The following TSPEAR variants were observed in gnomAD, a reference collection of about 807,000 sequenced individuals.
TSPEAR encodes the protein thrombospondin-type laminin G domain and EAR repeat-containing protein.
A neutral mutation model predicts 71.6 loss-of-function variants in TSPEAR; 69 were observed. That is an observed-to-expected ratio of 0.96 (90% CI 0.79 to 1.18). The LOEUF (loss-of-function observed/expected upper bound fraction) is 1.18. TSPEAR is among the 50% of genes most tolerant of loss of function. The probability of loss-of-function intolerance (pLI) is 0.00; values close to 1 mark genes in which losing one functional copy is unlikely to be tolerated. For synonymous variants in TSPEAR, 402 were observed against 387.2 expected, an observed-to-expected ratio of 1.04 and a Z score of -0.45; for missense variants, 971 against 894.9, an observed-to-expected ratio of 1.09 and a Z score of -1.09.
intron 1 of TSPEAR, among the ~76,000 whole-genome samples, chr21:44,652,949 G>A (rs1215532558): frequency 2.0e-5 from 3 of 152,152 alleles, no homozygotes; most frequent in African/African-American, 4.8e-5. Context: ...AAGGTCAGGA[G>A]ATCAAAACCA....
intron 2 of TSPEAR, among the ~76,000 whole-genome samples, chr21:44,549,040 A>G (rs1402703869): frequency 1.3e-5 from 2 of 152,234 alleles, no homozygotes; most frequent in African/African-American, 2.4e-5. Context: ...CCACGAGAGC[A>G]CACAGAACAA....
At position 44,710,100 on chromosome 21, in the gene TSPEAR, TGAG is replaced by T. The variant is rs1419949576; in HGVS notation, c.82+1330_82+1332del. Among the ~76,000 whole-genome samples, 2 of 151,810 alleles carry T rather than the reference TGAG, an allele frequency of 1.3e-5. No homozygotes were observed. The highest frequency in any genetic ancestry group is 2.9e-5 in the Non-Finnish European group (2 of 67,916). On this transcript the variant is annotated intron_variant, in intron 1 of 11. Transcript: ENST00000323084. The surrounding 1 kb of genome is among the most constrained non-coding windows in gnomAD (Gnocchi z 4.6). ...CCCCCACCCCCACTCCAGGGTGTGC[TGAG>T]GAGTCTCTCAGCTGCCCCGGGGTCC...
chr21:44,542,528 G>A (rs1269973155), intron 2 of TSPEAR, among the ~76,000 whole-genome samples: 1 of 152,032 alleles, frequency 6.6e-6, no homozygotes, highest in East Asian at 1.9e-4. Flanking sequence ...TGGTCAAACT[G>A]CTTGAGCTTA....
intron 1 of TSPEAR, among the ~76,000 whole-genome samples, chr21:44,588,701 T>TTTATATATTTTTAC (rs139256853): frequency 7.0e-6 from 1 of 143,028 alleles, no homozygotes; most frequent in African/African-American, 2.6e-5. Context: ...TATATATTTA[T>TTTATATATTTTTAC]ATATATAAAC....
rs587640174 is a variant in TSPEAR at position 44,608,199 on chromosome 21, G to T, written c.83-40194C>A. Among the ~76,000 whole-genome samples the T allele has an allele frequency of 6.6e-5, 10 of 152,312 alleles. No homozygotes were observed. In the East Asian group the frequency reaches 1.7e-3, roughly 26 times the overall value. On this transcript the variant is annotated intron_variant, in intron 1 of 11. Coordinates refer to ENST00000323084, the MANE Select transcript of TSPEAR (RefSeq NM_144991.3). ...TAACTTTAAATAGGTACCTTTTACAGCATGTAATCATACTTCAATAAAGCT... is the reference window on the plus strand; with the variant it reads ...TAACTTTAAATAGGTACCTTTTACATCATGTAATCATACTTCAATAAAGCT...
At chr21:44,539,329 G>A (rs1569173305) in intron 2 of TSPEAR, 1 of 1,611,646 alleles carries the variant, frequency 6.2e-7, no homozygotes, top group Non-Finnish European at 8.5e-7. Context: ...AGCACGCGGG[G>A]CGGCAGAGGA....
At chr21:44,551,006 G>A (rs782122143) in intron 2 of TSPEAR, 23 of 1,609,814 alleles carry the variant, frequency 1.4e-5, no homozygotes, top group South Asian at 5.5e-5. Context: ...AGGTGGGCAC[G>A]CAGCACACAG....
intron 1 of TSPEAR, chr21:44,579,725 G>A (rs1490057272): frequency 4.4e-6 from 7 of 1,588,894 alleles, no homozygotes; most frequent in Non-Finnish European, 6.0e-6. Flanking sequence ...TGGGGGATGT[G>A]CACATCAGCA....
At chr21:44,532,142 T>C (rs1166963891) in intron 3 of TSPEAR, among the ~76,000 whole-genome samples, 2 of 152,236 alleles carry the variant, frequency 1.3e-5, no homozygotes, top group Admixed American at 6.5e-5. Context: ...GGTTAAGTTC[T>C]TCCGTGGCCA....
intron 1 of TSPEAR, among the ~76,000 whole-genome samples, chr21:44,701,399 C>T (rs544455097): frequency 1.3e-5 from 2 of 152,320 alleles, no homozygotes; most frequent in East Asian, 1.9e-4. Flanking sequence ...AACTTTTCCA[C>T]GGACTGGGGA....
At chr21:44,588,386 G>A (rs1045887857) in intron 1 of TSPEAR, among the ~76,000 whole-genome samples, 1 of 152,106 alleles carries the variant, frequency 6.6e-6, no homozygotes, top group African/African-American at 2.4e-5. Flanking sequence ...ATAGATGCTG[G>A]CACAGATGTG....
At chr21:44,587,734 G>A (rs432174) in intron 1 of TSPEAR, among the ~76,000 whole-genome samples, 143,941 of 152,274 alleles carry the variant, frequency 0.95, 68,177 homozygotes, top group Non-Finnish European at 0.97. Context: ...ACTTACCGCC[G>A]ACTGATCTTT....
chr21:44,539,171 ACCT>A (rs2053151887), intron 2 of TSPEAR: 1 of 1,416,742 alleles, frequency 7.1e-7, no homozygotes, highest in African/African-American at 1.4e-5. Flanking sequence ...AGGGGGGGTC[ACCT>A]CAGCACAGGG....
rs587627656 is a variant in TSPEAR, at chr21:44,557,816, T to C, written c.303+9969A>G. On this transcript the variant is annotated intron_variant, in intron 2 of 11. Coordinates refer to ENST00000323084, the MANE Select transcript of TSPEAR (RefSeq NM_144991.3). Reference sequence around the variant, plus strand: ...AGGGCACATTGGTGACTTTATTTGTTGACAGACTGATCACTCACATGGGGC... The same window carrying C: ...AGGGCACATTGGTGACTTTATTTGTCGACAGACTGATCACTCACATGGGGC... 112 of 591,928 alleles carry C rather than the reference T, an allele frequency of 1.9e-4. 1 individual carries two copies. The African/African-American group carries it at 1.9e-3, about 10-fold the overall frequency. The allele number at this position is 591,928 out of a possible 1,614,324, so 36.7% of individuals were successfully genotyped here. A position where few individuals can be genotyped will look rare whatever the true frequency, so the allele number is the denominator to read the frequency against.
intron 1 of TSPEAR, chr21:44,647,014 C>T: frequency 1.2e-6 from 2 of 1,613,808 alleles, no homozygotes; most frequent in South Asian, 1.1e-5. Flanking sequence ...CTCCTACCAG[C>T]AGGCCTGCTG....
chr21:44,618,676 T>G (rs975669516), intron 1 of TSPEAR, among the ~76,000 whole-genome samples: 1 of 152,150 alleles, frequency 6.6e-6, no homozygotes, highest in South Asian at 2.1e-4. Context: ...AGAGTGGACC[T>G]TGTTTGTAAG....
At chr21:44,567,127 T>A (rs1555921833) in intron 2 of TSPEAR, among the ~76,000 whole-genome samples, 1 of 152,128 alleles carries the variant, frequency 6.6e-6, no homozygotes, top group East Asian at 1.9e-4. Flanking sequence ...AAGGGGCTCA[T>A]CAAATACATA....
chr21:44,628,142 C>T (rs587609949), intron 1 of TSPEAR: 12 of 1,477,784 alleles, frequency 8.1e-6, no homozygotes, highest in East Asian at 2.3e-5. Flanking sequence ...CACAGCTCAA[C>T]ACAGAAGGAG....
intron 2 of TSPEAR, among the ~76,000 whole-genome samples, chr21:44,548,435 C>G (rs1555918015): frequency 2.0e-5 from 3 of 152,182 alleles, no homozygotes; most frequent in African/African-American, 7.2e-5. Context: ...ACTCCACCCC[C>G]TTTGTTGGGG....
Sources: allele counts gnomAD v4.1 joint callset (sites outside exome capture counted in the v4.1 genomes callset), GRCh38; gene constraint gnomAD v4.1.1; non-coding constraint Gnocchi (gnomAD v3.1); transcripts MANE v1.5; gene names NCBI Gene and HGNC (gene_info 2026-07-23, HGNC 2026-07-21).